Variants in SLC44A5 observed in about 807,000 individuals in gnomAD.
The protein encoded by SLC44A5 is solute carrier family 44 member 5.
SLC44A5 carries 57 observed loss-of-function variants against 101.8 expected under a neutral mutation model. The ratio of observed to expected loss-of-function variants is 0.56; its 90% CI spans 0.45 to 0.70. The LOEUF (loss-of-function observed/expected upper bound fraction) is 0.70. Ranked by LOEUF, SLC44A5 falls within the 30% of genes least tolerant of loss-of-function variation. The probability of loss-of-function intolerance (pLI) is 0.00; values close to 1 mark genes in which losing one functional copy is unlikely to be tolerated. For missense variants in SLC44A5, 737 were observed against 853.1 expected (o/e 0.86, Z 1.70); for synonymous variants, 281 against 290.9 (o/e 0.97, Z 0.35).
At chr1:75,455,217 C>T (rs1331747223) in intron 2 of SLC44A5, among the ~76,000 whole-genome samples, 1 of 151,920 alleles carries the variant, frequency 6.6e-6, no homozygotes, top group Non-Finnish European at 1.5e-5. Flanking sequence ...AGCCACATAC[C>T]TAAAGCCATA....
At position 75,378,291 on chromosome 1, in the gene SLC44A5, C is replaced by CA. The variant is rs1401799799; in HGVS notation, c.52+18291dup. 3.0e-5 allele frequency among the ~76,000 whole-genome samples: 2 copies of CA among 66,486 alleles called. 1 individual carries two copies. Among genetic ancestry groups the CA allele is most frequent in the Non-Finnish European group, 4.9e-5 (2 of 40,782 alleles). 43.6% of individuals were successfully genotyped at this position (66,486 alleles called of 152,430 possible). ...AAAAGAGGGGGAGTTAAAGTATCTACAAAAAATCTAATCAAGCTATTTCAA... is the reference window on the plus strand; with the variant it reads ...AAAAGAGGGGGAGTTAAAGTATCTACAAAAAAATCTAATCAAGCTATTTCAA... On this transcript the variant is annotated intron_variant, in intron 3 of 23. Coordinates refer to ENST00000370859, the MANE Select transcript of SLC44A5 (RefSeq NM_001130058.2).
chr1:75,209,500 A>G (rs752333888), intron 23 of SLC44A5, among the ~76,000 whole-genome samples: 2 of 152,184 alleles, frequency 1.3e-5, no homozygotes, highest in Non-Finnish European at 2.9e-5. Context: ...TGTTCATGTG[A>G]TATTTTGTAG....
intron 2 of SLC44A5, among the ~76,000 whole-genome samples, chr1:75,490,132 T>C (rs186958241): frequency 1.3e-5 from 2 of 152,252 alleles, no homozygotes; most frequent in Non-Finnish European, 2.9e-5. Flanking sequence ...TAATAAATAA[T>C]CTATTCTTCC....
intron 1 of SLC44A5, among the ~76,000 whole-genome samples, chr1:75,592,768 G>C (rs12239378): frequency 0.1 from 15,349 of 151,994 alleles, 1,316 homozygotes; most frequent in African/African-American, 0.24. Context: ...TCAACAAATG[G>C]TGCTGGGAAA....
intron 3 of SLC44A5, among the ~76,000 whole-genome samples, chr1:75,396,210 G>C (rs1662113561): frequency 6.6e-6 from 1 of 152,130 alleles, no homozygotes. Context: ...TACACACATA[G>C]TGTCATGAAA....
chr1:75,483,846 T>C (rs1668007115), intron 2 of SLC44A5, among the ~76,000 whole-genome samples: 1 of 152,204 alleles, frequency 6.6e-6, no homozygotes, highest in Admixed American at 6.5e-5. Context: ...ATTACAATCA[T>C]GGCAGAAGGC....
At chr1:75,303,683 C>T (rs1015844389) in intron 4 of SLC44A5, among the ~76,000 whole-genome samples, 1 of 152,148 alleles carries the variant, frequency 6.6e-6, no homozygotes. Flanking sequence ...TCAGGAACTA[C>T]CCTGTCCCCA....
chr1:75,384,286 A>T (rs1661135005), intron 3 of SLC44A5, among the ~76,000 whole-genome samples: 1 of 151,676 alleles, frequency 6.6e-6, no homozygotes, highest in African/African-American at 2.4e-5. Flanking sequence ...GTCAAGACCC[A>T]TCAGTGTGCT....
At chr1:75,425,241 G>T (rs891720534) in intron 2 of SLC44A5, among the ~76,000 whole-genome samples, 2 of 152,208 alleles carry the variant, frequency 1.3e-5, no homozygotes, top group Non-Finnish European at 2.9e-5. Context: ...CATGGTCTTT[G>T]CATATTCCTA....
chr1:75,234,125 T>G (rs1369827411), intron 11 of SLC44A5, 27 bp from the exon 12 acceptor site: 2 of 1,513,898 alleles, frequency 1.3e-6, no homozygotes, highest in South Asian at 2.2e-5. Flanking sequence ...ACAAACACAG[T>G]GGTCAAGTGT....
Position 75,546,190 on chromosome 1 carries a change from A to ATTT in SLC44A5, c.-69-4675_-69-4674insAAA. Among the ~76,000 whole-genome samples the ATTT allele has an allele frequency of 6.3e-4, 7 of 11,126 alleles. 1 individual carries two copies. The highest frequency in any genetic ancestry group is 4.5e-3 in the Admixed American group (4 of 882). The allele number at this position is 11,126 out of a possible 152,430, so 7.3% of individuals were successfully genotyped here. On this transcript the variant is annotated intron_variant, in intron 1 of 23. Coordinates refer to ENST00000370859, the MANE Select transcript of SLC44A5 (RefSeq NM_001130058.2). ...TCTTCATAAGACTGTTCAAATTCAA[A>ATTT]ATTTTTTTTTTTTTTTTTTTTTTTT...
chr1:75,490,022 C>T (rs78804676), intron 2 of SLC44A5, among the ~76,000 whole-genome samples: 4,723 of 150,984 alleles, frequency 0.031, 119 homozygotes, highest in Middle Eastern at 0.085. Flanking sequence ...TTCAGCTCCA[C>T]ATGAAGATGT....
intron 3 of SLC44A5, among the ~76,000 whole-genome samples, chr1:75,359,220 ATTTTCTTTTC>A (rs1201416950): frequency 2.7e-5 from 3 of 112,384 alleles, no homozygotes; most frequent in Non-Finnish European, 3.8e-5. Context: ...TATATATGCC[ATTTTCTTTTC>A]TTTTTTTTTT....
the SLC44A5 span, among the ~76,000 whole-genome samples, chr1:75,717,016 A>G: frequency 3.3e-5 from 5 of 152,148 alleles, no homozygotes; most frequent in Admixed American, 6.5e-5. Context: ...CCTGGGCAAC[A>G]GAGCAAGACT....
intron 2 of SLC44A5, among the ~76,000 whole-genome samples, chr1:75,527,172 A>G (rs549095467): frequency 6.6e-6 from 1 of 151,638 alleles, no homozygotes; most frequent in Non-Finnish European, 1.5e-5. Context: ...AAAGAAAAAG[A>G]AAAGGAAAGA....
the SLC44A5 span, among the ~76,000 whole-genome samples, chr1:75,685,153 A>T: frequency 6.6e-6 from 1 of 152,176 alleles, no homozygotes; most frequent in Non-Finnish European, 1.5e-5. Context: ...CATGGCAGGG[A>T]TGCAGGGCAC....
chr1:75,573,128 A>C (rs1673167730), intron 1 of SLC44A5, among the ~76,000 whole-genome samples: 1 of 73,952 alleles, frequency 1.4e-5, no homozygotes, highest in East Asian at 2.7e-4. Flanking sequence ...GCTCCATCTC[A>C]AAAAAAAAAA....
the SLC44A5 span, among the ~76,000 whole-genome samples, chr1:75,719,423 A>G: frequency 6.6e-6 from 1 of 152,174 alleles, no homozygotes; most frequent in African/African-American, 2.4e-5. Context: ...TTGCAAATAA[A>G]TTGGTCCTAG....
intron 6 of SLC44A5, among the ~76,000 whole-genome samples, chr1:75,253,853 C>T (rs2100657436): frequency 6.6e-6 from 1 of 152,176 alleles, no homozygotes. Flanking sequence ...AGAACTTAAC[C>T]TCATACTTGG....
Sources: allele counts gnomAD v4.1 joint callset (sites outside exome capture counted in the v4.1 genomes callset), GRCh38; gene constraint gnomAD v4.1.1; transcripts MANE v1.5; gene names NCBI Gene and HGNC (gene_info 2026-07-23, HGNC 2026-07-21).